FAM47E: variants seen among roughly 807,000 people sequenced by gnomAD.
FAM47E encodes the protein protein FAM47E.
Under a neutral mutation model 41.6 loss-of-function variants are expected in FAM47E, and 32 were observed. That is an observed-to-expected ratio of 0.77 (90% CI 0.58 to 1.03). The LOEUF (loss-of-function observed/expected upper bound fraction) is 1.03. Ranked by LOEUF, FAM47E falls within the 50% of genes least tolerant of loss-of-function variation. The probability of loss-of-function intolerance (pLI) is 0.00; values close to 1 mark genes in which losing one functional copy is unlikely to be tolerated. For synonymous variants in FAM47E, 184 were observed against 188.7 expected, an observed-to-expected ratio of 0.98 and a Z score of 0.20; for missense variants, 424 against 485.4, an observed-to-expected ratio of 0.87 and a Z score of 1.19.
chr4:76,252,606 G>T (rs545771738), intron 1 of FAM47E, among the ~76,000 whole-genome samples: 1 of 152,276 alleles, frequency 6.6e-6, no homozygotes, highest in East Asian at 1.9e-4. Context: ...GATTAATGGA[G>T]ATAGCACATG....
intron 2 of FAM47E, among the ~76,000 whole-genome samples, chr4:76,241,828 A>G (rs1733718456): frequency 6.6e-6 from 1 of 152,202 alleles, no homozygotes; most frequent in Non-Finnish European, 1.5e-5. Context: ...CACATTAAAT[A>G]TCTACTCATC....
At chr4:76,258,440 A>G (rs1016952200) in intron 2 of FAM47E, among the ~76,000 whole-genome samples, 1 of 152,226 alleles carries the variant, frequency 6.6e-6, no homozygotes, top group African/African-American at 2.4e-5. Flanking sequence ...TGGTTCTCCA[A>G]GGAAAAATCC....
intron 1 of FAM47E, among the ~76,000 whole-genome samples, chr4:76,254,840 G>A (rs1439085176): frequency 6.6e-6 from 1 of 152,198 alleles, no homozygotes; most frequent in African/African-American, 2.4e-5. Context: ...CGCTGGTTGT[G>A]TTAGGTTATT....
chr4:76,243,233 A>G (rs1733748108), intron 2 of FAM47E, among the ~76,000 whole-genome samples: 1 of 152,208 alleles, frequency 6.6e-6, no homozygotes, highest in African/African-American at 2.4e-5. Context: ...GTATTTTGTT[A>G]TAGTAGCCTG....
At chr4:76,224,263 C>T (rs1386142071) in intron 2 of FAM47E, among the ~76,000 whole-genome samples, 1 of 152,166 alleles carries the variant, frequency 6.6e-6, no homozygotes, top group African/African-American at 2.4e-5. Flanking sequence ...ATTGGGCTGG[C>T]CATCTGTGTT....
At chr4:76,266,859 C>T (rs1177316604) in intron 3 of FAM47E, among the ~76,000 whole-genome samples, 1 of 152,206 alleles carries the variant, frequency 6.6e-6, no homozygotes, top group Non-Finnish European at 1.5e-5. Context: ...AGCACACTCC[C>T]AGCTCAGCTC....
chr4:76,252,539 T>C (rs1283432074), intron 1 of FAM47E, among the ~76,000 whole-genome samples: 1 of 152,164 alleles, frequency 6.6e-6, no homozygotes, highest in East Asian at 1.9e-4. Context: ...GGGCTCACTT[T>C]CCTAACTATA....
At chr4:76,246,986 TA>T, upstream of FAM47E, among the ~76,000 whole-genome samples, 1 of 152,280 alleles carries the variant, frequency 6.6e-6, no homozygotes, top group Non-Finnish European at 1.5e-5. Context: ...ACCATTCTTT[TA>T]AAGTTTATAA....
At chr4:76,239,243 G>A (rs1232528596) in intron 2 of FAM47E, among the ~76,000 whole-genome samples, 2 of 152,122 alleles carry the variant, frequency 1.3e-5, no homozygotes, top group Non-Finnish European at 2.9e-5. Flanking sequence ...CTTCTTTTGT[G>A]TATATATTCA....
chr4:76,227,553 G>C (rs975407672), intron 2 of FAM47E, among the ~76,000 whole-genome samples: 1 of 152,096 alleles, frequency 6.6e-6, no homozygotes, highest in African/African-American at 2.4e-5. Context: ...TCTATCTGGG[G>C]TATAGTTTCA....
intron 4 of FAM47E, among the ~76,000 whole-genome samples, chr4:76,270,899 G>C (rs1734858120): frequency 6.6e-6 from 1 of 151,962 alleles, no homozygotes; most frequent in Non-Finnish European, 1.5e-5. Flanking sequence ...GCCTGTACTT[G>C]TCCCTTTATG....
upstream of FAM47E, among the ~76,000 whole-genome samples, chr4:76,250,322 C>T (rs1733925492): frequency 6.6e-6 from 1 of 152,052 alleles, no homozygotes; most frequent in African/African-American, 2.4e-5. Flanking sequence ...GATATCTAGC[C>T]TTTTTTCATA....
chr4:76,216,816 A>C (rs879539737), intron 1 of FAM47E, among the ~76,000 whole-genome samples: 5 of 152,356 alleles, frequency 3.3e-5, no homozygotes, highest in Middle Eastern at 3.4e-3. Context: ...ATGTGTTAAC[A>C]TAAGACAGAA....
rs534905965 is a variant in FAM47E, at chr4:76,273,638, C to A, written c.870+1870C>A. On this transcript the variant is annotated intron_variant, in intron 5 of 7. Transcript: ENST00000424749. ...TTTCATGTACTTGTGGCTTGTTGAG[C>A]CTTTTGGATTTGTGGGCTTATAGTT... Among the ~76,000 whole-genome samples, 7 of 151,950 alleles carry A rather than the reference C, an allele frequency of 4.6e-5. No homozygotes were observed. In the East Asian group the frequency reaches 9.7e-4, roughly 21 times the overall value.
At chr4:76,226,152 G>A (rs1337217211) in intron 2 of FAM47E, among the ~76,000 whole-genome samples, 1 of 152,124 alleles carries the variant, frequency 6.6e-6, no homozygotes, top group Non-Finnish European at 1.5e-5. Context: ...ACATACGGTG[G>A]GTCCAGGGAG....
At chr4:76,269,808 TAA>T (rs1454881053) in intron 4 of FAM47E, among the ~76,000 whole-genome samples, 2 of 150,984 alleles carry the variant, frequency 1.3e-5, no homozygotes, top group African/African-American at 2.4e-5. Flanking sequence ...AAATCTGACA[TAA>T]AGAGACTTTT....
Position 76,268,737 on chromosome 4 carries a change from A to G in FAM47E, c.638A>G (p.Glu213Gly). 2.6e-6 allele frequency: 4 copies of G among 1,551,576 alleles called. No homozygotes were observed. Among genetic ancestry groups the G allele is most frequent in the Middle Eastern group, 1.7e-4 (1 of 5,990 alleles). ...EKPHKMDLLHENGPRPGLHEN... is the reference protein window; with the variant it reads ...EKPHKMDLLHGNGPRPGLHEN... ...CCACATAAAATGGATTTGCTCCATGAAAATGGTCCTCGTCCTGGTCTTCAT... is the reference window on the plus strand; with the variant it reads ...CCACATAAAATGGATTTGCTCCATGGAAATGGTCCTCGTCCTGGTCTTCAT... Residue 213 changes from glutamate (E) to glycine (G), a missense_variant, in exon 4 of 8, where the codon GAA (glutamate) becomes GGA (glycine). By Grantham distance (98) the Glu-to-Gly change is moderately conservative. Transcript: ENST00000424749.
upstream of FAM47E, among the ~76,000 whole-genome samples, chr4:76,249,097 A>G (rs752661485): frequency 2.6e-5 from 4 of 152,110 alleles, no homozygotes; most frequent in Non-Finnish European, 5.9e-5. Context: ...GCATGGTGGT[A>G]CGTGCCTGTA....
chr4:76,270,475 A>C (rs978195433), intron 4 of FAM47E, among the ~76,000 whole-genome samples: 4 of 152,186 alleles, frequency 2.6e-5, no homozygotes, highest in African/African-American at 7.2e-5. Context: ...AGTGACGGAC[A>C]GAGACTCCTC....
Sources: gnomAD v4.1 joint callset for allele counts (sites outside exome capture counted in the v4.1 genomes callset) on GRCh38, gnomAD v4.1.1 for gene constraint, MANE v1.5 for transcripts, NCBI Gene and HGNC (gene_info 2026-07-23, HGNC 2026-07-21) for gene names.